ANKS1A: variants seen among roughly 807,000 people sequenced by gnomAD.
The protein encoded by ANKS1A is ankyrin repeat and SAM domain-containing protein 1A.
ANKS1A carries 55 observed loss-of-function variants against 120.3 expected under a neutral mutation model. That is an observed-to-expected ratio of 0.46 (90% CI 0.37 to 0.57). ANKS1A has a LOEUF of 0.57. ANKS1A is among the 20% of genes least tolerant of loss of function. The probability of loss-of-function intolerance (pLI) is 0.00; values close to 1 mark genes in which losing one functional copy is unlikely to be tolerated. For missense variants in ANKS1A, 1,123 were observed against 1,480.3 expected (o/e 0.76, Z 3.96); for synonymous variants, 590 against 604.7 (o/e 0.98, Z 0.36).
At chr6:35,066,315 A>G (rs1776774107) in intron 13 of ANKS1A, among the ~76,000 whole-genome samples, 1 of 152,148 alleles carries the variant, frequency 6.6e-6, no homozygotes, top group African/African-American at 2.4e-5. Context: ...TCTTGTCCTC[A>G]GATCCATGAG....
chr6:35,047,074 A>G (rs1775754150), intron 11 of ANKS1A, among the ~76,000 whole-genome samples: 1 of 152,232 alleles, frequency 6.6e-6, no homozygotes, highest in Admixed American at 6.5e-5. Context: ...GACTCTGTCA[A>G]CTTCATTTAT....
chr6:34,909,868 T>A (rs939830147), intron 1 of ANKS1A, among the ~76,000 whole-genome samples: 1 of 152,074 alleles, frequency 6.6e-6, no homozygotes, highest in African/African-American at 2.4e-5. Context: ...GTGTGTACAG[T>A]GTGGTGGCTC....
chr6:35,067,416 G>A (rs1000543579), intron 13 of ANKS1A, among the ~76,000 whole-genome samples: 2 of 152,160 alleles, frequency 1.3e-5, no homozygotes, highest in African/African-American at 4.8e-5. Flanking sequence ...CCAGACGAAC[G>A]TGCTGAGTAA....
intron 1 of ANKS1A, among the ~76,000 whole-genome samples, chr6:34,951,040 G>A (rs922268635): frequency 6.6e-6 from 1 of 152,166 alleles, no homozygotes; most frequent in Non-Finnish European, 1.5e-5. Flanking sequence ...CCTTCCATAT[G>A]TTTGTATAAG....
intron 13 of ANKS1A, among the ~76,000 whole-genome samples, chr6:35,073,341 G>A (rs565032299): frequency 1.3e-5 from 2 of 152,362 alleles, no homozygotes; most frequent in South Asian, 4.1e-4. Flanking sequence ...CACAGGCTGA[G>A]GAGCCAGGCC....
chr6:35,053,649 C>G (rs1446043583), intron 11 of ANKS1A, among the ~76,000 whole-genome samples: 1 of 152,208 alleles, frequency 6.6e-6, no homozygotes, highest in Admixed American at 6.5e-5. Flanking sequence ...TTATGATTTG[C>G]CAGGCACTAC....
intron 1 of ANKS1A, among the ~76,000 whole-genome samples, chr6:34,918,486 T>A (rs1208373820): frequency 6.6e-6 from 1 of 152,244 alleles, no homozygotes. Context: ...TTATAACTAT[T>A]CTGCGAGTGA....
downstream of ANKS1A, among the ~76,000 whole-genome samples, chr6:35,092,054 C>T (rs143109217): frequency 3.9e-5 from 6 of 152,224 alleles, no homozygotes; most frequent in Non-Finnish European, 8.8e-5. Flanking sequence ...CACCTGTGTT[C>T]CAGCTCTGCT....
Position 35,059,225 on chromosome 6 carries a change from C to T in ANKS1A, c.2078-922C>T, listed in dbSNP as rs532575571. ...TGGCCCAAGAAGGCAACACTTCAGA[C>T]GGCGTGCTGGCCCAGGAGACGCCCT... On this transcript the variant is annotated intron_variant, in intron 12 of 23. Coordinates refer to ENST00000360359, the MANE Select transcript of ANKS1A (RefSeq NM_015245.3). Among the ~76,000 whole-genome samples, 8 of 152,372 alleles carry T rather than the reference C, an allele frequency of 5.3e-5. No homozygotes were observed. In the South Asian group the frequency reaches 6.2e-4, roughly 12 times the overall value.
At chr6:34,902,349 A>G (rs1337210855) in intron 1 of ANKS1A, among the ~76,000 whole-genome samples, 1 of 151,992 alleles carries the variant, frequency 6.6e-6, no homozygotes, top group Non-Finnish European at 1.5e-5. Context: ...GCCGGGTTCA[A>G]ACAATTCTCC....
chr6:34,897,783 AAAG>A (rs1251724662), intron 1 of ANKS1A, among the ~76,000 whole-genome samples: 2 of 152,210 alleles, frequency 1.3e-5, no homozygotes, highest in Admixed American at 6.5e-5. Flanking sequence ...ACAAATCAAA[AAAG>A]AGTTTTTAAA....
chr6:34,909,766 C>A (rs147113796), intron 1 of ANKS1A, among the ~76,000 whole-genome samples: 100 of 152,172 alleles, frequency 6.6e-4, no homozygotes, highest in African/African-American at 2.4e-3. Flanking sequence ...AATGTTCCTC[C>A]CCGAAGGGAT....
intron 1 of ANKS1A, among the ~76,000 whole-genome samples, chr6:34,897,443 T>C (rs530336218): frequency 6.6e-6 from 1 of 152,288 alleles, no homozygotes; most frequent in African/African-American, 2.4e-5. Context: ...GGAAAGTAAA[T>C]TACTGGGTTT....
At position 35,017,820 on chromosome 6, in the gene ANKS1A, C is replaced by T. The variant is rs1212756389; in HGVS notation, c.1771C>T (p.His591Tyr). 1.2e-6 allele frequency: 2 copies of T among 1,614,080 alleles called. No individual in the cohort carries two copies. The highest frequency in any genetic ancestry group is 2.2e-5 in the East Asian group (1 of 44,900). Reference protein sequence around the residue: ...PETLTHTASPHPGGAEEGDRS... With the variant: ...PETLTHTASPYPGGAEEGDRS... ...AACTTTGACTCACACAGCATCTCCG[C>T]ACCCTGGTGGTGCTGAGGAAGGAGA... Residue 591 changes from histidine to tyrosine, a missense_variant, in exon 11 of 24, where the codon CAC becomes TAC. His to Tyr is a moderately conservative substitution (Grantham distance 83). Coordinates refer to ENST00000360359, the MANE Select transcript of ANKS1A (RefSeq NM_015245.3).
At chr6:35,074,157 G>A (rs1049929275) in intron 13 of ANKS1A, among the ~76,000 whole-genome samples, 1 of 152,268 alleles carries the variant, frequency 6.6e-6, no homozygotes, top group South Asian at 2.1e-4. Context: ...GAAAGCTGGC[G>A]AAGGTTTCTG....
chr6:34,913,833 A>G lies in ANKS1A; in HGVS notation c.197+24234A>G, dbSNP rs187147247. Among the ~76,000 whole-genome samples, 822 of 152,176 alleles carry G rather than the reference A, an allele frequency of 5.4e-3. 5 individuals are homozygous for G. The highest frequency in any genetic ancestry group is 7.4e-3 in the Non-Finnish European group (504 of 67,998). On this transcript the variant is annotated intron_variant, in intron 1 of 23. Coordinates refer to ENST00000360359, the MANE Select transcript of ANKS1A (RefSeq NM_015245.3). ...TTTTTAGTAGAGATGGGGTTTCACC[A>G]TGTTGGCCACACTGGAAGTGATCTG...
chr6:34,974,499 C>G (rs937640081), intron 3 of ANKS1A, among the ~76,000 whole-genome samples: 7 of 151,024 alleles, frequency 4.6e-5, no homozygotes, highest in Middle Eastern at 3.4e-3. Context: ...TTGGCCTGCT[C>G]TTTAAATTCT....
chr6:35,050,137 G>A lies in ANKS1A; in HGVS notation c.2011-3962G>A, dbSNP rs1775900877. ...TGGCCTGAGCAGCAGTATCTCCAGT[G>A]TTTGTTTTTGTTCTTGTTTTCAGCC... On this transcript the variant is annotated intron_variant, in intron 11 of 23. Coordinates refer to ENST00000360359, the MANE Select transcript of ANKS1A (RefSeq NM_015245.3). This position sits in a 1 kb window ranked among gnomAD's most constrained non-coding sequence, Gnocchi z 4.3. Among the ~76,000 whole-genome samples the A allele has an allele frequency of 1.3e-5, 2 of 152,104 alleles. No individual in the cohort carries two copies. The highest frequency in any genetic ancestry group is 1.3e-4 in the Admixed American group (2 of 15,278).
At chr6:35,083,982 C>CA (rs1777824529) in intron 20 of ANKS1A, 139 bp from the exon 21 acceptor site, 1 of 1,370,492 alleles carries the variant, frequency 7.3e-7, no homozygotes, top group Non-Finnish European at 9.9e-7. Context: ...CACCAATAAA[C>CA]AAAATGAGAA....
Sources: allele counts gnomAD v4.1 joint callset (sites outside exome capture counted in the v4.1 genomes callset), GRCh38; gene constraint gnomAD v4.1.1; non-coding constraint Gnocchi (gnomAD v3.1); transcripts MANE v1.5; gene names NCBI Gene and HGNC (gene_info 2026-07-23, HGNC 2026-07-21).